Variants in ANK1 observed in about 807,000 individuals in gnomAD.
ANK1 encodes the protein ankyrin 1.
A neutral mutation model predicts 210.4 loss-of-function variants in ANK1; 51 were observed. The observed-to-expected ratio is 0.24, with a 90% CI of 0.19 to 0.31. The LOEUF is 0.31. ANK1 is among the 10% of genes least tolerant of loss of function. The probability of loss-of-function intolerance (pLI) is 1.00; values close to 1 mark genes in which losing one functional copy is unlikely to be tolerated. For missense variants in ANK1, 2,051 were observed against 2,504.4 expected, an observed-to-expected ratio of 0.82 and a Z score of 3.86; for synonymous variants, 967 against 1,025.9, an observed-to-expected ratio of 0.94 and a Z score of 1.10.
chr8:41,709,065 G>T, intron 16 of ANK1, 90 bp from the exon 17 acceptor site: 2 of 1,508,668 alleles, frequency 1.3e-6, no homozygotes, highest in Non-Finnish European at 9.1e-7. Flanking sequence ...CTGGTTCTTG[G>T]CCGGCTGGAC....
chr8:41,843,643 C>T (rs1371037205), intron 1 of ANK1, among the ~76,000 whole-genome samples: 1 of 152,170 alleles, frequency 6.6e-6, no homozygotes, highest in Non-Finnish European at 1.5e-5. Flanking sequence ...CTAGAAAAAT[C>T]TCATGAGAGG....
chr8:41,667,074 C>T (rs1810789211), intron 39 of ANK1, among the ~76,000 whole-genome samples: 1 of 152,212 alleles, frequency 6.6e-6, no homozygotes, highest in Non-Finnish European at 1.5e-5. Flanking sequence ...ATCATGTGTG[C>T]TCTGGGAGCA....
chr8:41,687,053 G>A (rs141124693), intron 35 of ANK1, among the ~76,000 whole-genome samples: 1 of 152,262 alleles, frequency 6.6e-6, no homozygotes, highest in African/African-American at 2.4e-5. Flanking sequence ...TTAAAAGAAG[G>A]AGCCGTGACT....
chr8:41,815,024 AAAGATTTAAC>A (rs1803096987), intron 1 of ANK1, among the ~76,000 whole-genome samples: 2 of 152,164 alleles, frequency 1.3e-5, no homozygotes, highest in Admixed American at 6.5e-5. Context: ...TCGAGATCAA[AAAGATTTAAC>A]TTTGAATTTG....
chr8:41,658,032 C>T (rs1440578231), intron 42 of ANK1, among the ~76,000 whole-genome samples: 1 of 152,170 alleles, frequency 6.6e-6, no homozygotes, highest in Non-Finnish European at 1.5e-5. Context: ...CAGGTGTATG[C>T]CACCATGTCC....
At chr8:41,803,167 AAG>A (rs1048992535) in intron 1 of ANK1, among the ~76,000 whole-genome samples, 1 of 150,012 alleles carries the variant, frequency 6.7e-6, no homozygotes, top group Non-Finnish European at 1.5e-5. Context: ...AAAAGAGAAA[AAG>A]AGAGGGAGGG....
chr8:41,854,958 A>AAAAAAAAAG (rs1400823154), intron 1 of ANK1, among the ~76,000 whole-genome samples: 116 of 151,722 alleles, frequency 7.6e-4, no homozygotes, highest in Non-Finnish European at 1.4e-3. Flanking sequence ...AAAAGAAAAA[A>AAAAAAAAAG]AAAAAAAAGA....
intron 26 of ANK1, among the ~76,000 whole-genome samples, chr8:41,696,046 T>G (rs957291012): frequency 1.3e-5 from 2 of 152,244 alleles, no homozygotes; most frequent in Non-Finnish European, 2.9e-5. Flanking sequence ...AAGAGTTGTT[T>G]TTTTGGTTTT....
At chr8:41,804,083 C>T (rs1212313928) in intron 1 of ANK1, among the ~76,000 whole-genome samples, 1 of 152,174 alleles carries the variant, frequency 6.6e-6, no homozygotes, top group Non-Finnish European at 1.5e-5. Flanking sequence ...AGGGGCAGCT[C>T]ATCTGGGTGG....
At chr8:41,877,237 G>A (rs542572291) in intron 1 of ANK1, among the ~76,000 whole-genome samples, 2 of 152,260 alleles carry the variant, frequency 1.3e-5, no homozygotes, top group African/African-American at 2.4e-5. Context: ...GGTGGGACCC[G>A]CTGGAGAAGC....
chr8:41,671,811 A>AGTG (rs1812470212), intron 38 of ANK1, among the ~76,000 whole-genome samples: 1 of 120,952 alleles, frequency 8.3e-6, no homozygotes, highest in African/African-American at 3.2e-5. Context: ...CACTCCAGGC[A>AGTG]CCCTAATGTC....
intron 10 of ANK1, 85 bp downstream of exon 10, chr8:41,719,576 T>A: frequency 6.3e-7 from 1 of 1,579,684 alleles, no homozygotes; most frequent in Non-Finnish European, 8.7e-7. Flanking sequence ...CTGCCGCCCT[T>A]CCCACAGGCC....
chr8:41,708,648 G>A (rs763285721), intron 17 of ANK1, 130 bp downstream of exon 17: 25 of 1,014,448 alleles, frequency 2.5e-5, no homozygotes, highest in Admixed American at 1.2e-4. Context: ...TGAAATGTAC[G>A]CAGGGCTGTT....
intron 29 of ANK1, 109 bp downstream of exon 29, chr8:41,693,789 A>C: frequency 7.6e-7 from 1 of 1,314,808 alleles, no homozygotes; most frequent in Non-Finnish European, 1.1e-6. Flanking sequence ...CGGGGAAGTC[A>C]ACAAAAACTA....
At chr8:41,699,714 T>C (rs1332886355) in intron 22 of ANK1, among the ~76,000 whole-genome samples, 166 bp from the exon 23 acceptor site, 2 of 152,172 alleles carry the variant, frequency 1.3e-5, no homozygotes, top group African/African-American at 4.8e-5. Context: ...CCAGTCCTGG[T>C]CCTCCAGCTC....
intron 24 of ANK1, 132 bp from the exon 25 acceptor site, chr8:41,696,905 A>G (rs982738880): frequency 1.9e-5 from 16 of 852,584 alleles, no homozygotes; most frequent in Non-Finnish European, 2.9e-5. Flanking sequence ...CTCCCACGGG[A>G]CCCCACCGCC....
At chr8:41,664,186 G>A (rs769115417) in intron 39 of ANK1, 16 of 457,540 alleles carry the variant, frequency 3.5e-5, no homozygotes, top group Middle Eastern at 3.2e-4. Flanking sequence ...AGGACGATCC[G>A]GGTGCAATCC....
At chr8:41,717,533 G>A in intron 12 of ANK1, 71 bp downstream of exon 12, 1 of 1,349,222 alleles carries the variant, frequency 7.4e-7, no homozygotes, top group Non-Finnish European at 1.0e-6. Flanking sequence ...GTAGGACTGG[G>A]AGCACTGGTG....
intron 1 of ANK1, among the ~76,000 whole-genome samples, chr8:41,830,197 AC>A (rs1806333906): frequency 6.6e-6 from 1 of 151,190 alleles, no homozygotes; most frequent in Non-Finnish European, 1.5e-5. Context: ...GCTAGGAGAG[AC>A]CAATAGATGC....
Sources: gnomAD v4.1 joint callset for allele counts (sites outside exome capture counted in the v4.1 genomes callset) on GRCh38, gnomAD v4.1.1 for gene constraint, MANE v1.5 for transcripts, NCBI Gene and HGNC (gene_info 2026-07-23, HGNC 2026-07-21) for gene names.